Variants in GRIK3 observed in about 807,000 individuals in gnomAD.
GRIK3 encodes glutamate receptor ionotropic, kainate 3.
In GRIK3, 29 loss-of-function variants were observed where a neutral mutation model predicts 102.5. The ratio of observed to expected loss-of-function variants is 0.28; its 90% CI spans 0.21 to 0.39. The LOEUF is 0.39. GRIK3 is among the 10% of genes least tolerant of loss of function. The pLI is 1.00. For missense variants in GRIK3, 908 were observed against 1,252.4 expected (o/e 0.73, Z 4.15); for synonymous variants, 511 against 504.9 (o/e 1.01, Z -0.16).
chr1:36,999,699 A>C (rs577688748), intron 1 of GRIK3, among the ~76,000 whole-genome samples: 1 of 152,286 alleles, frequency 6.6e-6, no homozygotes, highest in South Asian at 2.1e-4. Flanking sequence ...GCAGGCACCA[A>C]TCACAGTGCC....
intron 10 of GRIK3, 41 bp downstream of exon 10, chr1:36,841,695 C>G: frequency 4.5e-6 from 7 of 1,549,990 alleles, no homozygotes; most frequent in Non-Finnish European, 6.2e-6. Flanking sequence ...GCCAAGTCTC[C>G]CCAGGGTCCT....
At chr1:36,895,985 A>G (rs1641168027) in intron 1 of GRIK3, among the ~76,000 whole-genome samples, 1 of 152,190 alleles carries the variant, frequency 6.6e-6, no homozygotes, top group South Asian at 2.1e-4. Flanking sequence ...TATATAAAGT[A>G]TTGAGAGAAA....
rs1354737139 is a variant in GRIK3, at chr1:36,825,800, C to G, written c.1557G>C (p.Leu519=). 1 of 1,612,154 alleles carries G rather than the reference C, an allele frequency of 6.2e-7. No homozygotes were observed. Among genetic ancestry groups the G allele is most frequent in the Admixed American group, 1.7e-5 (1 of 59,812 alleles). ...DHKADLAVAP[L]TITHVREKAI... is the part of the protein sequence containing the mutation. ...CCTTCTCTCGAACATGGGTGATGGT[C>G]AGGGGGGCCACGGCCAGATCTGCCT... Residue 519 remains leucine (L), a synonymous_variant, in exon 11 of 16, where the codon CTG becomes CTC. Transcript: ENST00000373091.
At chr1:37,013,995 G>T (rs1642625655) in intron 1 of GRIK3, among the ~76,000 whole-genome samples, 1 of 152,204 alleles carries the variant, frequency 6.6e-6, no homozygotes, top group African/African-American at 2.4e-5. Flanking sequence ...ACCTTGCCAA[G>T]CTCTTCCCAC....
At chr1:36,857,030 A>G (rs536394740) in intron 7 of GRIK3, among the ~76,000 whole-genome samples, 3 of 152,354 alleles carry the variant, frequency 2.0e-5, no homozygotes, top group African/African-American at 4.8e-5. Context: ...AAACTCACCA[A>G]TCCTCAGAAC....
Position 37,012,059 on chromosome 1 carries a change from C to T in GRIK3, c.115+21935G>A, listed in dbSNP as rs78942925. 7.9e-5 allele frequency among the ~76,000 whole-genome samples: 12 copies of T among 152,248 alleles called. No individual in the cohort carries two copies. In the East Asian group the frequency reaches 2.1e-3, roughly 27 times the overall value. Reference sequence around the variant, plus strand: ...GGGCAGGTGCTGGCCGAGGCAGCAACACCTGGGAGTGATACACAGAGGAGA... The same window carrying T: ...GGGCAGGTGCTGGCCGAGGCAGCAATACCTGGGAGTGATACACAGAGGAGA... On this transcript the variant is annotated intron_variant, in intron 1 of 15. Transcript: ENST00000373091.
Position 37,034,363 on chromosome 1 carries a change from C to A in GRIK3, c.-255G>T, listed in dbSNP as rs966304897. 2.0e-5 allele frequency among the ~76,000 whole-genome samples: 3 copies of A among 150,748 alleles called. No homozygotes were observed. The highest frequency in any genetic ancestry group is 4.4e-5 in the Non-Finnish European group (3 of 67,540). ...GAGGCTCCTGGGCTCCGCCCGGACT[C>A]CGCTCGGACTCGGCTCCGGCTCCGA... On this transcript the variant is annotated 5_prime_UTR_variant, in exon 1 of 16. Coordinates refer to ENST00000373091, the MANE Select transcript of GRIK3 (RefSeq NM_000831.4).
intron 1 of GRIK3, among the ~76,000 whole-genome samples, chr1:36,958,761 C>T (rs151301847): frequency 0.035 from 1,946 of 55,500 alleles, 214 homozygotes; most frequent in Non-Finnish European, 0.049. Context: ...GTGTGCCCTG[C>T]GAGCCTGTGT....
chr1:36,813,480 C>G (rs1642585568), intron 13 of GRIK3, among the ~76,000 whole-genome samples: 1 of 152,106 alleles, frequency 6.6e-6, no homozygotes, highest in Admixed American at 6.6e-5. Context: ...AGGAGAAGAC[C>G]CTAGAGTGGA....
intron 1 of GRIK3, among the ~76,000 whole-genome samples, chr1:36,996,146 T>G (rs1203454976): frequency 1.3e-5 from 2 of 152,220 alleles, no homozygotes; most frequent in Admixed American, 1.3e-4. Context: ...AGATCCAAAG[T>G]GTCCAAGGCC....
At chr1:37,018,914 A>G (rs1642681140) in intron 1 of GRIK3, among the ~76,000 whole-genome samples, 1 of 152,214 alleles carries the variant, frequency 6.6e-6, no homozygotes, top group African/African-American at 2.4e-5. Context: ...TTTCAATTTA[A>G]TTGCCTGAGA....
At chr1:36,972,105 C>T (rs542457228) in intron 1 of GRIK3, among the ~76,000 whole-genome samples, 3 of 152,364 alleles carry the variant, frequency 2.0e-5, no homozygotes, top group African/African-American at 7.2e-5. Flanking sequence ...GTAATCATCC[C>T]AGCCAGGCCA....
intron 5 of GRIK3, among the ~76,000 whole-genome samples, chr1:36,868,863 C>T (rs1640814636): frequency 6.6e-6 from 1 of 152,192 alleles, no homozygotes; most frequent in South Asian, 2.1e-4. Flanking sequence ...GTCATAGATG[C>T]TGGGTAGGGA....
intron 10 of GRIK3, among the ~76,000 whole-genome samples, chr1:36,829,554 C>T (rs1416636776): frequency 1.3e-5 from 2 of 152,084 alleles, no homozygotes; most frequent in African/African-American, 2.4e-5. Context: ...GTTTTGTCAG[C>T]CCTCCTGCCT....
intron 5 of GRIK3, among the ~76,000 whole-genome samples, chr1:36,860,881 C>T (rs551853281): frequency 8.5e-4 from 129 of 152,282 alleles, no homozygotes; most frequent in Non-Finnish European, 1.3e-3. Flanking sequence ...TCCAACATGA[C>T]AATGAAACAT....
At chr1:37,024,445 CTATTATTATTATTATTAT>C (rs10630686) in intron 1 of GRIK3, among the ~76,000 whole-genome samples, 1 of 145,642 alleles carries the variant, frequency 6.9e-6, no homozygotes, top group African/African-American at 2.5e-5. Context: ...GCAGGTACAA[CTATTATTATTATTATTAT>C]TATTATTATT....
At chr1:36,856,390 GC>G (rs1280930039) in intron 7 of GRIK3, among the ~76,000 whole-genome samples, 1 of 152,212 alleles carries the variant, frequency 6.6e-6, no homozygotes, top group African/African-American at 2.4e-5. Flanking sequence ...TGCGCTGCCC[GC>G]CCCCTCTAGC....
Position 36,816,456 on chromosome 1 carries a change from C to A in GRIK3, c.2091+604G>T, listed in dbSNP as rs145086374. Among the ~76,000 whole-genome samples, 395 of 152,290 alleles carry A rather than the reference C, an allele frequency of 2.6e-3. 4 individuals are homozygous for A. Among genetic ancestry groups the A allele is most frequent in the African/African-American group, 8.9e-3 (368 of 41,542 alleles). ...AAGTGGAAAACATTAGGGCACTCAG[C>A]AACACTTCACAGAGCAGGAGGAGCA... On this transcript the variant is annotated intron_variant, in intron 13 of 15. Coordinates refer to ENST00000373091, the MANE Select transcript of GRIK3 (RefSeq NM_000831.4).
intron 7 of GRIK3, among the ~76,000 whole-genome samples, chr1:36,854,161 C>T (rs1041403105): frequency 3.3e-5 from 5 of 152,178 alleles, no homozygotes; most frequent in African/African-American, 4.8e-5. Context: ...CAGGGGAGAC[C>T]GAAATCACCC....
Sources: gnomAD v4.1 joint callset for allele counts (sites outside exome capture counted in the v4.1 genomes callset) on GRCh38, gnomAD v4.1.1 for gene constraint, MANE v1.5 for transcripts, NCBI Gene and HGNC (gene_info 2026-07-23, HGNC 2026-07-21) for gene names.